The following NTM variants were observed in gnomAD, a reference collection of about 807,000 sequenced individuals.
NTM encodes IgLON family member 2.
A neutral mutation model predicts 42.1 loss-of-function variants in NTM; 13 were observed. The observed-to-expected ratio is 0.31, with a 90% CI of 0.20 to 0.49. The LOEUF is 0.49. NTM is among the 20% of genes least tolerant of loss of function. The pLI, the probability that NTM is intolerant of heterozygous loss-of-function variation, is 0.99. For synonymous variants in NTM, 187 were observed against 179.2 expected (o/e 1.04, Z -0.35); for missense variants, 373 against 452.8 (o/e 0.82, Z 1.60).
intron 2 of NTM, among the ~76,000 whole-genome samples, chr11:131,944,955 G>A (rs1218021543): frequency 1.3e-5 from 2 of 152,166 alleles, no homozygotes; most frequent in Non-Finnish European, 2.9e-5. Flanking sequence ...TCCCTGTTGT[G>A]TAAGGATAAA....
intron 7 of NTM, among the ~76,000 whole-genome samples, chr11:132,317,971 G>A (rs930427526): frequency 2.0e-5 from 3 of 152,220 alleles, no homozygotes; most frequent in African/African-American, 7.2e-5. Flanking sequence ...AAGGCAAAGG[G>A]TAGAGAGTGA....
chr11:131,848,397 G>A (rs1364590779), intron 1 of NTM, among the ~76,000 whole-genome samples: 1 of 152,138 alleles, frequency 6.6e-6, no homozygotes, highest in Non-Finnish European at 1.5e-5. Flanking sequence ...GCAGCCATTT[G>A]GAATGCTTTT....
intron 1 of NTM, among the ~76,000 whole-genome samples, chr11:131,667,151 T>C (rs2069211089): frequency 6.6e-6 from 1 of 152,166 alleles, no homozygotes; most frequent in African/African-American, 2.4e-5. Flanking sequence ...TGGGATTCCT[T>C]CATTTAAAAG....
At chr11:131,787,513 G>A (rs915308602) in intron 1 of NTM, among the ~76,000 whole-genome samples, 6 of 151,860 alleles carry the variant, frequency 4.0e-5, no homozygotes, top group Non-Finnish European at 8.8e-5. Flanking sequence ...AGCCTTTGGA[G>A]TAGCTGGGGC....
At chr11:131,623,601 C>G (rs1026623646) in intron 1 of NTM, among the ~76,000 whole-genome samples, 1 of 152,190 alleles carries the variant, frequency 6.6e-6, no homozygotes. Context: ...ACTAAATAAA[C>G]AACTAATCAG....
At chr11:132,147,936 G>A (rs544357548) in intron 3 of NTM, among the ~76,000 whole-genome samples, 4 of 152,276 alleles carry the variant, frequency 2.6e-5, no homozygotes, top group South Asian at 2.1e-4. Flanking sequence ...AACTTGGGTC[G>A]TGATCAGCAC....
intron 1 of NTM, among the ~76,000 whole-genome samples, chr11:131,547,939 C>T (rs569954008): frequency 7.9e-5 from 12 of 152,064 alleles, no homozygotes; most frequent in Non-Finnish European, 1.0e-4. Context: ...GCCTAGGAGG[C>T]GTCCGAATAA....
At chr11:131,916,547 C>T (rs971317301) in intron 2 of NTM, among the ~76,000 whole-genome samples, 1 of 152,150 alleles carries the variant, frequency 6.6e-6, no homozygotes, top group African/African-American at 2.4e-5. Flanking sequence ...CATGGAATCA[C>T]ACAGACTAAA....
chr11:131,410,569 C>T (rs1453773818), intron 1 of NTM, among the ~76,000 whole-genome samples: 7 of 142,332 alleles, frequency 4.9e-5, no homozygotes, highest in Non-Finnish European at 7.6e-5. Flanking sequence ...GAAGTCATTT[C>T]GGTGGGCCAT....
At chr11:131,851,639 G>T (rs1360314819) in intron 1 of NTM, among the ~76,000 whole-genome samples, 1 of 151,832 alleles carries the variant, frequency 6.6e-6, no homozygotes, top group Non-Finnish European at 1.5e-5. Context: ...TTTGCAGAGG[G>T]CTTGGCATCT....
chr11:132,043,755 G>A (rs1300606528), intron 2 of NTM, among the ~76,000 whole-genome samples: 2 of 152,190 alleles, frequency 1.3e-5, no homozygotes, highest in South Asian at 2.1e-4. Flanking sequence ...TACCATTGTC[G>A]AGTAGTATCA....
chr11:131,644,757 C>CT (rs2065565450), intron 1 of NTM, among the ~76,000 whole-genome samples: 1 of 144,448 alleles, frequency 6.9e-6, no homozygotes, highest in Non-Finnish European at 1.6e-5. Flanking sequence ...TTGAAAGATA[C>CT]ATTTTTTTTT....
chr11:131,704,928 A>G (rs2076442475), intron 1 of NTM, among the ~76,000 whole-genome samples: 1 of 152,158 alleles, frequency 6.6e-6, no homozygotes, highest in Admixed American at 6.5e-5. Flanking sequence ...AGGCAGAAGA[A>G]TAAAGAGAAA....
chr11:131,510,229 C>T (rs950088402), intron 1 of NTM, among the ~76,000 whole-genome samples: 5 of 152,330 alleles, frequency 3.3e-5, no homozygotes, highest in South Asian at 2.1e-4. Context: ...TTGTCACTCT[C>T]GCATCCCTCC....
intron 1 of NTM, among the ~76,000 whole-genome samples, chr11:131,840,978 G>T (rs917098808): frequency 7.2e-5 from 11 of 152,236 alleles, no homozygotes; most frequent in African/African-American, 2.7e-4. Flanking sequence ...TAGTGGGAAA[G>T]TATGGTCTTC....
intron 2 of NTM, among the ~76,000 whole-genome samples, chr11:132,133,342 C>T (rs2137106985): frequency 6.6e-6 from 1 of 152,310 alleles, no homozygotes; most frequent in South Asian, 2.1e-4. Context: ...CTTTCTGTGC[C>T]TCTCTGCATG....
intron 1 of NTM, among the ~76,000 whole-genome samples, chr11:131,394,456 G>A (rs528844095): frequency 8.5e-5 from 13 of 152,246 alleles, no homozygotes; most frequent in Non-Finnish European, 1.0e-4. Context: ...GAGAGGCTGG[G>A]TGCTCTATGG....
rs1007734675 is a variant in NTM, at chr11:132,015,820, G to A, written c.167+104172G>A. On this transcript the variant is annotated intron_variant, in intron 2 of 8. Coordinates refer to ENST00000683400, the MANE Select transcript of NTM (RefSeq NM_001352005.2). ...ATCAGATCTAATAGGTTTTTTGGTG[G>A]CATCTTTAGGTTTTTCTAAATACAA... Among the ~76,000 whole-genome samples, 13 of 151,834 alleles carry A rather than the reference G, an allele frequency of 8.6e-5. No individual in the cohort carries two copies. In the East Asian group the frequency reaches 9.7e-4, roughly 11 times the overall value.
chr11:131,908,278 A>G (rs1282560466), intron 1 of NTM, among the ~76,000 whole-genome samples: 1 of 152,250 alleles, frequency 6.6e-6, no homozygotes. Flanking sequence ...TAATGAAGCA[A>G]TGGCAGGCAA....
Sources: gnomAD v4.1 joint callset for allele counts (sites outside exome capture counted in the v4.1 genomes callset) on GRCh38, gnomAD v4.1.1 for gene constraint, MANE v1.5 for transcripts, NCBI Gene and HGNC (gene_info 2026-07-23, HGNC 2026-07-21) for gene names.